The following MAPK6 variants were observed in gnomAD, a reference collection of about 807,000 sequenced individuals.
The protein encoded by MAPK6 is mitogen-activated protein kinase 6, also known as ERK-3.
In MAPK6, 19 loss-of-function variants were observed where a neutral mutation model predicts 59.3. The observed-to-expected ratio is 0.32, with a 90% CI of 0.22 to 0.47. The LOEUF (loss-of-function observed/expected upper bound fraction) is 0.47. Among genes scored for constraint, MAPK6 ranks in the 20% least tolerant of loss-of-function variants. The pLI is 1.00. For synonymous variants in MAPK6, 316 were observed against 290.3 expected (o/e 1.09, Z -0.90); for missense variants, 724 against 847.9 (o/e 0.85, Z 1.81).
intron 1 of MAPK6, among the ~76,000 whole-genome samples, chr15:51,982,216 C>T (rs16964657): frequency 0.07 from 10,701 of 152,218 alleles, 895 homozygotes; most frequent in African/African-American, 0.19. Context: ...ATTTCCTTAT[C>T]CAACTGGCTG....
chr15:52,056,599 T>G (rs2031992959), intron 3 of MAPK6: 3 of 152,014 alleles, frequency 2.0e-5, no homozygotes. Context: ...TTTTGAGCCA[T>G]CTCCAGCATT....
At chr15:51,978,931 G>A (rs1422920389) in intron 1 of MAPK6, among the ~76,000 whole-genome samples, 2 of 151,450 alleles carry the variant, frequency 1.3e-5, no homozygotes, top group African/African-American at 4.8e-5. Flanking sequence ...GACCAGCCTG[G>A]GCAACATAGT....
chr15:52,061,533 T>G, intron 5 of MAPK6, 33 bp downstream of exon 5: 2 of 1,511,910 alleles, frequency 1.3e-6, no homozygotes, highest in Non-Finnish European at 1.8e-6. Flanking sequence ...AAATAATATT[T>G]ACTGAACTTT....
At chr15:51,993,742 C>G (rs2057216517) in intron 2 of MAPK6, among the ~76,000 whole-genome samples, 2 of 151,884 alleles carry the variant, frequency 1.3e-5, no homozygotes, top group South Asian at 4.2e-4. Context: ...CACCTAATAG[C>G]AATGCGTACA....
At chr15:52,006,950 T>C (rs1404829142) in intron 3 of MAPK6, among the ~76,000 whole-genome samples, 2 of 152,120 alleles carry the variant, frequency 1.3e-5, no homozygotes, top group Non-Finnish European at 2.9e-5. Context: ...GAAAATGTAT[T>C]TTCCCCAGAG....
intron 2 of MAPK6, among the ~76,000 whole-genome samples, chr15:51,989,939 C>G (rs941858267): frequency 6.6e-6 from 1 of 152,158 alleles, no homozygotes; most frequent in African/African-American, 2.4e-5. Flanking sequence ...AATAATTTGT[C>G]TAGCAATGTC....
In MAPK6 at chr15:52,064,922, A is replaced by G. The variant is rs775729364; in HGVS notation, c.2088A>G (p.Thr696=). ...CACCACTTAAGTCAATACAGGCCAC[A>G]TTAACACCTTCTGCTATGAAATCTT... is the stretch of plus-strand genomic sequence containing the variant. ...VGSPLKSIQA[T]LTPSAMKSSP... The change falls in exon 6 of 6, where the codon ACA becomes ACG. Residue 696 remains threonine (T), a synonymous_variant. Transcript: ENST00000261845. The G allele has an allele frequency of 5.0e-6, 8 of 1,611,930 alleles. No individual in the cohort carries two copies. Among genetic ancestry groups the G allele is most frequent in the Non-Finnish European group, 6.8e-6 (8 of 1,179,792 alleles).
At chr15:52,020,567 CCTGT>C (rs2030486462) in intron 1 of MAPK6, among the ~76,000 whole-genome samples, 3 of 152,098 alleles carry the variant, frequency 2.0e-5, no homozygotes, top group Non-Finnish European at 2.9e-5. Flanking sequence ...ATTCTTCTAG[CCTGT>C]CTCTTACAGT....
chr15:51,983,319 T>C (rs1264929087), intron 2 of MAPK6, among the ~76,000 whole-genome samples: 1 of 151,838 alleles, frequency 6.6e-6, no homozygotes, highest in Non-Finnish European at 1.5e-5. Flanking sequence ...AAACCCCGTA[T>C]GTACTAAAAA....
At position 52,034,697 on chromosome 15, in the gene MAPK6, G is replaced by C. The variant is rs1595987435; in HGVS notation, c.-631-11133G>C. ...ACTCTGTGCGTAGGTATTTTTGTTT[G>C]TTTGTCTGTTTGTTTATTGAGATGG... On this transcript the variant is annotated intron_variant, in intron 1 of 5. Transcript: ENST00000261845. Among the ~76,000 whole-genome samples the C allele has an allele frequency of 7.2e-5, 11 of 151,776 alleles. 1 individual carries two copies. The South Asian group carries it at 2.3e-3, about 32-fold the overall frequency.
At chr15:52,054,097 G>GA (rs763217950) in intron 3 of MAPK6, among the ~76,000 whole-genome samples, 2 of 151,912 alleles carry the variant, frequency 1.3e-5, no homozygotes, top group Non-Finnish European at 2.9e-5. Flanking sequence ...GCTGGGCGCG[G>GA]TGGCTCACAC....
intron 3 of MAPK6, among the ~76,000 whole-genome samples, chr15:52,052,213 G>A (rs924084836): frequency 6.6e-6 from 1 of 152,138 alleles, no homozygotes; most frequent in African/African-American, 2.4e-5. Flanking sequence ...CTGAAGTCTT[G>A]ACCAAGGCAG....
intron 1 of MAPK6, among the ~76,000 whole-genome samples, chr15:51,979,878 A>G (rs1482821811): frequency 2.0e-5 from 3 of 151,916 alleles, no homozygotes; most frequent in African/African-American, 7.2e-5. Flanking sequence ...CTGCATCAGA[A>G]GCTGGACCCA....
chr15:52,012,330 T>C (rs1032961494), intron 3 of MAPK6, among the ~76,000 whole-genome samples: 3 of 152,234 alleles, frequency 2.0e-5, no homozygotes, highest in Admixed American at 6.5e-5. Flanking sequence ...GTGTCTGTAT[T>C]TGAACACATA....
intron 4 of MAPK6, among the ~76,000 whole-genome samples, chr15:52,059,292 CTT>C (rs2032103737): frequency 6.6e-6 from 1 of 152,156 alleles, no homozygotes; most frequent in South Asian, 2.1e-4. Flanking sequence ...TGTGGGAACA[CTT>C]TATTTTTATT....
At position 51,985,030 on chromosome 15, in the gene MAPK6, G is replaced by T. The variant is rs374848593; in HGVS notation, c.-770+1715G>T. ...AAAGATTTTTAAAAGACTGTTCAAA[G>T]TCATGGGAAGATGCTTATAACATAT... On this transcript the variant is annotated intron_variant, in intron 2 of 7. Transcript: ENST00000691380. 1.2e-4 allele frequency among the ~76,000 whole-genome samples: 19 copies of T among 152,308 alleles called. No individual in the cohort carries two copies. The East Asian group carries it at 3.3e-3, about 26-fold the overall frequency.
intron 2 of MAPK6, among the ~76,000 whole-genome samples, chr15:51,988,506 G>A (rs1301371607): frequency 5.3e-5 from 8 of 152,076 alleles, no homozygotes; most frequent in South Asian, 2.1e-4. Context: ...GGCCACGGCG[G>A]GTGGGTCACA....
In MAPK6 at chr15:52,046,527, T is replaced by C. The variant is rs1481488711; in HGVS notation, c.67T>C (p.Leu23=). 1.2e-6 allele frequency: 2 copies of C among 1,614,048 alleles called. No homozygotes were observed. The highest frequency in any genetic ancestry group is 1.7e-4 in the Middle Eastern group (1 of 6,056). The change falls in exon 2 of 6, where the codon TTA becomes CTA. Residue 23 remains leucine, a synonymous_variant. Transcript: ENST00000261845. ...GFDLGSRYMD[L]KPLGCGGNGL... is the part of the protein sequence containing the mutation. ...TGATCTGGGTTCTAGGTATATGGAC[T>C]TAAAACCATTGGGTTGTGGAGGCAA...
rs2032383790 is a variant in MAPK6 at position 52,065,556 on chromosome 15, A to G, written c.*556A>G. The G allele has an allele frequency of 6.6e-6, 1 of 152,660 alleles. No individual in the cohort carries two copies. The highest frequency in any genetic ancestry group is 1.9e-4 in the East Asian group (1 of 5,196). 9.5% of individuals were successfully genotyped at this position (152,660 alleles called of 1,614,324 possible). A position where few individuals can be genotyped will look rare whatever the true frequency, so the allele number is the denominator to read the frequency against. On this transcript the variant is annotated 3_prime_UTR_variant, in exon 6 of 6. Transcript: ENST00000261845. ...ATAGTGCTTCACAAAATGCACTTCT[A>G]TTTAGCCAGCGTTTATTGTAGTAAA...
Sources: allele counts gnomAD v4.1 joint callset (sites outside exome capture counted in the v4.1 genomes callset), GRCh38; gene constraint gnomAD v4.1.1; transcripts MANE v1.5; gene names NCBI Gene and HGNC (gene_info 2026-07-23, HGNC 2026-07-21).